The following CTNNA2 variants were observed in gnomAD, a reference collection of about 807,000 sequenced individuals.
CTNNA2 encodes catenin alpha-2.
Under a neutral mutation model 101.0 loss-of-function variants are expected in CTNNA2, and 42 were observed. The observed-to-expected ratio is 0.42, with a 90% CI of 0.32 to 0.54. The LOEUF (loss-of-function observed/expected upper bound fraction) is 0.54, where lower values mean the gene tolerates loss of function less well. CTNNA2 is among the 20% of genes least tolerant of loss of function. The pLI is 0.14. For synonymous variants in CTNNA2, 450 were observed against 456.4 expected (o/e 0.99, Z 0.18); for missense variants, 871 against 1,223.1 (o/e 0.71, Z 4.29).
chr2:79,321,064 T>C (rs1367516602), intron 3 of CTNNA2, among the ~76,000 whole-genome samples: 1 of 152,234 alleles, frequency 6.6e-6, no homozygotes, highest in Non-Finnish European at 1.5e-5. Flanking sequence ...TGTTATTACG[T>C]AATCACAACT....
chr2:79,506,309 T>C (rs968409281), intron 5 of CTNNA2, among the ~76,000 whole-genome samples: 2 of 151,302 alleles, frequency 1.3e-5, no homozygotes, highest in African/African-American at 4.8e-5. Flanking sequence ...GGTGCATGTG[T>C]TACAAGTTAA....
chr2:79,537,826 A>G (rs546513337), intron 1 of CTNNA2, among the ~76,000 whole-genome samples: 5 of 151,006 alleles, frequency 3.3e-5, no homozygotes, highest in African/African-American at 1.2e-4. Flanking sequence ...AAAGTTATGC[A>G]TACAACTTTC....
chr2:79,311,093 A>G (rs1573063864), intron 2 of CTNNA2, among the ~76,000 whole-genome samples: 1 of 152,348 alleles, frequency 6.6e-6, no homozygotes, highest in Admixed American at 6.5e-5. Flanking sequence ...CAGTGCCTTA[A>G]GTATGACTCT....
chr2:79,488,242 C>T (rs968271149), intron 4 of CTNNA2, among the ~76,000 whole-genome samples: 3 of 137,290 alleles, frequency 2.2e-5, no homozygotes, highest in African/African-American at 7.8e-5. Context: ...CACTTGAATT[C>T]GGGAGGCAGT....
At chr2:80,522,052 T>TG (rs1689604714) in intron 9 of CTNNA2, among the ~76,000 whole-genome samples, 1 of 152,202 alleles carries the variant, frequency 6.6e-6, no homozygotes, top group Non-Finnish European at 1.5e-5. Flanking sequence ...TCAGGTTATC[T>TG]GTCCATATTT....
At chr2:79,975,821 A>G (rs914688629) in intron 7 of CTNNA2, among the ~76,000 whole-genome samples, 1 of 152,212 alleles carries the variant, frequency 6.6e-6, no homozygotes, top group African/African-American at 2.4e-5. Context: ...CAAGGAAGCT[A>G]CACAAGTTCA....
intron 2 of CTNNA2, among the ~76,000 whole-genome samples, chr2:79,205,875 G>C (rs1674094101): frequency 6.6e-6 from 1 of 152,248 alleles, no homozygotes; most frequent in African/African-American, 2.4e-5. Flanking sequence ...ACTGGTTCAG[G>C]GAGAGGAAGT....
intron 9 of CTNNA2, among the ~76,000 whole-genome samples, chr2:80,488,134 T>C (rs1686744322): frequency 6.6e-6 from 1 of 152,166 alleles, no homozygotes; most frequent in African/African-American, 2.4e-5. Context: ...TGATCCTCTT[T>C]TGATGAGTGA....
chr2:80,431,650 G>A (rs768764123), intron 9 of CTNNA2, among the ~76,000 whole-genome samples: 5 of 152,286 alleles, frequency 3.3e-5, no homozygotes, highest in Admixed American at 2.6e-4. Context: ...GTTCTAAATC[G>A]TGAACTGATC....
intron 2 of CTNNA2, among the ~76,000 whole-genome samples, chr2:79,664,822 C>T (rs1416129294): frequency 6.6e-6 from 1 of 150,524 alleles, no homozygotes; most frequent in Non-Finnish European, 1.5e-5. Flanking sequence ...TGCCATTCTC[C>T]TGCCTCAGCC....
At chr2:79,849,252 A>G (rs1257733985) in intron 3 of CTNNA2, among the ~76,000 whole-genome samples, 2 of 151,524 alleles carry the variant, frequency 1.3e-5, no homozygotes, top group Non-Finnish European at 2.9e-5. Context: ...TTCTTATTTT[A>G]TAATATTTAC....
chr2:79,764,675 TAA>T (rs1301985363), intron 3 of CTNNA2, among the ~76,000 whole-genome samples: 1 of 152,212 alleles, frequency 6.6e-6, no homozygotes, highest in Non-Finnish European at 1.5e-5. Flanking sequence ...GTCTTTGAGA[TAA>T]GAGTGGTCCA....
At chr2:79,678,288 T>A (rs978928374) in intron 2 of CTNNA2, among the ~76,000 whole-genome samples, 1 of 152,094 alleles carries the variant, frequency 6.6e-6, no homozygotes, top group South Asian at 2.1e-4. Flanking sequence ...ACTCCTGTAA[T>A]CCTAGCACTT....
chr2:79,246,478 C>T (rs931144941), intron 2 of CTNNA2, among the ~76,000 whole-genome samples: 10 of 152,210 alleles, frequency 6.6e-5, no homozygotes, highest in African/African-American at 2.4e-4. Flanking sequence ...AACTGTCATG[C>T]AAGTCCACAG....
intron 7 of CTNNA2, among the ~76,000 whole-genome samples, chr2:79,989,478 C>T (rs138764138): frequency 6.6e-6 from 1 of 151,230 alleles, no homozygotes; most frequent in Non-Finnish European, 1.5e-5. Flanking sequence ...AACAAACAAA[C>T]AAAAAAATTA....
chr2:80,163,787 A>G (rs989677524), intron 7 of CTNNA2, among the ~76,000 whole-genome samples: 8 of 152,050 alleles, frequency 5.3e-5, no homozygotes, highest in African/African-American at 1.9e-4. Context: ...CACATATTTT[A>G]TAACTCTGGT....
chr2:79,684,298 C>T (rs2104660548), intron 2 of CTNNA2, among the ~76,000 whole-genome samples: 1 of 152,208 alleles, frequency 6.6e-6, no homozygotes. Flanking sequence ...CTATCTTCTG[C>T]CCTGTTCTTT....
intron 4 of CTNNA2, among the ~76,000 whole-genome samples, chr2:79,430,231 T>C (rs1678645406): frequency 6.6e-6 from 1 of 152,090 alleles, no homozygotes. Context: ...TTCAGGCAGG[T>C]TGTCCAAATG....
At chr2:80,510,325 C>A (rs1361123577) in intron 9 of CTNNA2, among the ~76,000 whole-genome samples, 1 of 152,096 alleles carries the variant, frequency 6.6e-6, no homozygotes, top group East Asian at 1.9e-4. Flanking sequence ...CTCTATGTGC[C>A]CTCTTGCTTC....
Sources: gnomAD v4.1 joint callset for allele counts (sites outside exome capture counted in the v4.1 genomes callset) on GRCh38, gnomAD v4.1.1 for gene constraint, MANE v1.5 for transcripts, NCBI Gene and HGNC (gene_info 2026-07-23, HGNC 2026-07-21) for gene names.